Variants in DNAH3 observed in about 807,000 individuals in gnomAD.
DNAH3 encodes the protein dynein axonemal heavy chain 3, also known as axonemal beta dynein heavy chain 3.
Under a neutral mutation model 432.5 loss-of-function variants are expected in DNAH3, and 332 were observed. That is an observed-to-expected ratio of 0.77 (90% CI 0.70 to 0.84). The LOEUF (loss-of-function observed/expected upper bound fraction) is 0.84, where lower values mean the gene tolerates loss of function less well. DNAH3 is among the 40% of genes least tolerant of loss of function. The pLI is 0.00. For missense variants in DNAH3, 4,861 were observed against 5,114.0 expected (o/e 0.95, Z 1.51); for synonymous variants, 1,956 against 1,900.2 (o/e 1.03, Z -0.76).
At chr16:21,078,400 C>G (rs1473806414) in intron 20 of DNAH3, among the ~76,000 whole-genome samples, 2 of 151,832 alleles carry the variant, frequency 1.3e-5, no homozygotes, top group African/African-American at 4.8e-5. Context: ...AGATTAGGAG[C>G]AGAAAATTAC....
intron 52 of DNAH3, 64 bp downstream of exon 52, chr16:20,969,728 G>C: frequency 1.3e-6 from 2 of 1,567,600 alleles, no homozygotes; most frequent in Non-Finnish European, 1.8e-6. Context: ...GATGCAGTGG[G>C]TGCTGGCACC....
intron 41 of DNAH3, among the ~76,000 whole-genome samples, chr16:21,018,759 G>A (rs1259056556): frequency 6.6e-6 from 1 of 152,020 alleles, no homozygotes; most frequent in Admixed American, 6.6e-5. Flanking sequence ...GCCAGGCGTG[G>A]TGGTGCATGC....
rs1567495794 is a variant in DNAH3, at chr16:20,941,382, GC to G, written c.11654+18del. The G allele has an allele frequency of 6.2e-7, 1 of 1,613,430 alleles. No homozygotes were observed. The highest frequency in any genetic ancestry group is 2.2e-5 in the East Asian group (1 of 44,864). ...TCACGTTCCAACTCCCAGGATTCAA[GC>G]TACATCATCTGGCCCACCTGTTGAA... On this transcript the variant is annotated intron_variant, in intron 59 of 61. Coordinates refer to ENST00000261383, the Ensembl canonical transcript of DNAH3.
At position 21,141,389 on chromosome 16, in the gene DNAH3, G is replaced by A. The variant is rs749418219; in HGVS notation, c.449-17C>T. The stretch of plus-strand genomic sequence containing the variant: ...TTCTATTTCCTGGAAGAATGGAGAA[G>A]AAAGACATCAGTGATGGGCAATGGC... On this transcript the variant is annotated splice_polypyrimidine_tract_variant and intron_variant, in intron 3 of 61. Coordinates refer to ENST00000261383, the Ensembl canonical transcript of DNAH3. 14 of 1,573,236 alleles carry A rather than the reference G, an allele frequency of 8.9e-6. No homozygotes were observed. In the East Asian group the frequency reaches 3.2e-4, roughly 36 times the overall value.
Position 21,152,826 on chromosome 16 carries a change from C to G in DNAH3, c.117+6499G>C, listed in dbSNP as rs534900020. Among the ~76,000 whole-genome samples the G allele has an allele frequency of 1.4e-4, 22 of 152,380 alleles. 1 individual carries two copies. Among genetic ancestry groups the G allele is most frequent in the South Asian group, 2.1e-4 (1 of 4,834 alleles). On this transcript the variant is annotated intron_variant, in intron 1 of 61. Transcript: ENST00000261383. ...TCCATTTCTCACCGGGCCTTAGCTG[C>G]CTTCCCGCGGGGCAGGGCTCGGGAC...
intron 20 of DNAH3, among the ~76,000 whole-genome samples, chr16:21,081,219 G>A (rs1171032280): frequency 6.6e-6 from 1 of 151,950 alleles, no homozygotes; most frequent in Non-Finnish European, 1.5e-5. Flanking sequence ...GTGCCCAGGC[G>A]AGAAGAGACT....
At chr16:20,972,722 T>A (rs1400855579) in intron 51 of DNAH3, among the ~76,000 whole-genome samples, 2 of 149,314 alleles carry the variant, frequency 1.3e-5, no homozygotes, top group Non-Finnish European at 3.0e-5. Flanking sequence ...CCTGCCCTTC[T>A]GAGACAATGC....
At chr16:21,117,054 T>A (rs752288376) in intron 12 of DNAH3, 149 bp downstream of exon 12, 6 of 580,746 alleles carry the variant, frequency 1.0e-5, no homozygotes, top group Non-Finnish European at 1.2e-5. Flanking sequence ...AAAGTGGGAA[T>A]AAATAGTAAT....
chr16:20,965,132 G>A lies in DNAH3; in HGVS notation c.8752C>T (p.Gln2918Ter), dbSNP rs748223449. 5.0e-6 allele frequency: 8 copies of A among 1,614,118 alleles called. No individual in the cohort carries two copies. The highest frequency in any genetic ancestry group is 5.9e-6 in the Non-Finnish European group (7 of 1,180,036). Reference sequence around the variant, plus strand: ...CTTTTCTGGTTCAGCTTCTGCATCTGTGCAGCCAGCTTCCCCTCTGCCTCC... The same window carrying A: ...CTTTTCTGGTTCAGCTTCTGCATCTATGCAGCCAGCTTCCCCTCTGCCTCC... Residue 2918 changes from glutamine to a stop codon, truncating the protein, a stop_gained, in exon 53 of 62, where the codon CAG becomes TAG. Coordinates refer to ENST00000261383, the Ensembl canonical transcript of DNAH3. LOFTEE classifies it high-confidence loss of function.
chr16:20,987,566 A>C, intron 46 of DNAH3, 118 bp from the exon 47 acceptor site: 1 of 1,536,888 alleles, frequency 6.5e-7, no homozygotes, highest in East Asian at 2.3e-5. Flanking sequence ...TGTTTATAAA[A>C]TGCTTAGCAC....
At chr16:21,034,747 A>G (rs897717412) in intron 35 of DNAH3, among the ~76,000 whole-genome samples, 2 of 152,230 alleles carry the variant, frequency 1.3e-5, no homozygotes, top group Non-Finnish European at 1.5e-5. Context: ...GTGAGTAATA[A>G]GAAGCATCTA....
intron 18 of DNAH3, among the ~76,000 whole-genome samples, chr16:21,087,878 AC>A (rs1264868840): frequency 1.2e-4 from 19 of 152,204 alleles, no homozygotes; most frequent in African/African-American, 4.6e-4. Context: ...AGCCTGGACA[AC>A]AGAGTGAGAC....
At chr16:21,033,320 CA>C (rs1010621325) in intron 36 of DNAH3, among the ~76,000 whole-genome samples, 26 of 152,048 alleles carry the variant, frequency 1.7e-4, no homozygotes, top group African/African-American at 5.8e-4. Context: ...TTTATAAAAA[CA>C]AAACAAAACA....
chr16:20,999,915 C>G (rs979797254), intron 43 of DNAH3, among the ~76,000 whole-genome samples: 1 of 151,476 alleles, frequency 6.6e-6, no homozygotes, highest in African/African-American at 2.4e-5. Flanking sequence ...AACAGCACAG[C>G]CCCCTTCTGA....
chr16:21,119,746 G>A (rs1177718171), intron 11 of DNAH3, among the ~76,000 whole-genome samples: 3 of 151,760 alleles, frequency 2.0e-5, no homozygotes, highest in Non-Finnish European at 4.4e-5. Context: ...ACAGGCACCC[G>A]CCACCACACC....
At chr16:21,044,601 C>A (rs1484286041) in intron 31 of DNAH3, among the ~76,000 whole-genome samples, 3 of 68,768 alleles carry the variant, frequency 4.4e-5, no homozygotes, top group Non-Finnish European at 8.6e-5. Flanking sequence ...TCTAGATATA[C>A]AATCATGTCG....
At chr16:20,982,257 G>A (rs1035481134) in intron 49 of DNAH3, among the ~76,000 whole-genome samples, 1 of 151,962 alleles carries the variant, frequency 6.6e-6, no homozygotes, top group Non-Finnish European at 1.5e-5. Flanking sequence ...GATGGCAGGT[G>A]CCTGTAATCC....
At chr16:21,082,056 T>G (rs115848667) in intron 19 of DNAH3, among the ~76,000 whole-genome samples, 3,181 of 152,058 alleles carry the variant, frequency 0.021, 132 homozygotes, top group African/African-American at 0.073. Flanking sequence ...CACACCACCT[T>G]GCCTGGCTAA....
chr16:21,069,941 G>A (rs1396092311), intron 22 of DNAH3, among the ~76,000 whole-genome samples: 1 of 152,124 alleles, frequency 6.6e-6, no homozygotes, highest in Non-Finnish European at 1.5e-5. Context: ...ATTACAAACC[G>A]TGTTTTCCAG....
Sources: gnomAD v4.1 joint callset for allele counts (sites outside exome capture counted in the v4.1 genomes callset) on GRCh38, gnomAD v4.1.1 for gene constraint, MANE v1.5 for transcripts, NCBI Gene and HGNC (gene_info 2026-07-23, HGNC 2026-07-21) for gene names.